The following PUS10 variants were observed in gnomAD, a reference collection of about 807,000 sequenced individuals.
The protein encoded by PUS10 is tRNA pseudouridine synthase Pus10.
A neutral mutation model predicts 75.0 loss-of-function variants in PUS10; 59 were observed. The ratio of observed to expected loss-of-function variants is 0.79; its 90% CI spans 0.64 to 0.98. The LOEUF is 0.98. Ranked by LOEUF, PUS10 falls within the 50% of genes least tolerant of loss-of-function variation. The pLI, the probability that PUS10 is intolerant of heterozygous loss-of-function variation, is 0.00. For missense variants in PUS10, 650 were observed against 614.4 expected (o/e 1.06, Z -0.61); for synonymous variants, 219 against 211.6 (o/e 1.03, Z -0.30).
rs781444581 is a variant in PUS10 at position 61,017,717 on chromosome 2, G to A, written c.-16+291C>T. The A allele has an allele frequency of 2.0e-6, 3 of 1,503,862 alleles. No homozygotes were observed. In the South Asian group the frequency reaches 3.6e-5, roughly 18 times the overall value. 93.2% of individuals were successfully genotyped at this position (1,503,862 alleles called of 1,614,324 possible). Reference sequence around the variant, plus strand: ...CCAGGTGCTGGTCTACGCGGGCCTGGACAGTCAGGGGTAGGAGCGGGAGCC... The same window carrying A: ...CCAGGTGCTGGTCTACGCGGGCCTGAACAGTCAGGGGTAGGAGCGGGAGCC... On this transcript the variant is annotated intron_variant, in intron 1 of 17. Transcript: ENST00000316752.
intron 15 of PUS10, among the ~76,000 whole-genome samples, chr2:60,951,580 C>G (rs1438192322): frequency 6.6e-6 from 1 of 152,132 alleles, no homozygotes; most frequent in Admixed American, 6.5e-5. Flanking sequence ...AGGGTTCGTG[C>G]TTTTATAAGA....
In PUS10 at chr2:60,967,496, C is replaced by T. The variant is rs1323435671; in HGVS notation, c.615+6G>A. On this transcript the variant is annotated splice_donor_region_variant and intron_variant, in intron 6 of 17. Transcript: ENST00000316752. ...AATAAAATTAACAATGCTGTTGACCCAATACCTTTCCATCAATGGGAACAC... is the reference window on the plus strand; with the variant it reads ...AATAAAATTAACAATGCTGTTGACCTAATACCTTTCCATCAATGGGAACAC... 1 of 1,521,884 alleles carries T rather than the reference C, an allele frequency of 6.6e-7. No individual in the cohort carries two copies. Among genetic ancestry groups the T allele is most frequent in the Non-Finnish European group, 9.1e-7 (1 of 1,102,476 alleles). The allele number at this position is 1,521,884 out of a possible 1,614,324, so 94.3% of individuals were successfully genotyped here.
chr2:60,951,042 C>A (rs1675304619), intron 15 of PUS10, among the ~76,000 whole-genome samples: 1 of 152,152 alleles, frequency 6.6e-6, no homozygotes, highest in Non-Finnish European at 1.5e-5. Flanking sequence ...TTACGTCAAC[C>A]TTTTCAAATG....
chr2:61,010,201 AAAAT>A (rs1559000109), intron 2 of PUS10: 1 of 152,464 alleles, frequency 6.6e-6, no homozygotes, highest in Non-Finnish European at 1.5e-5. Flanking sequence ...GTGTCTGAAA[AAAAT>A]GTGTAAGCAG....
rs1412200171 is a variant in PUS10 at position 61,011,018 on chromosome 2, AT to A, written c.126+746del. On this transcript the variant is annotated intron_variant, in intron 2 of 17. Coordinates refer to ENST00000316752, the MANE Select transcript of PUS10 (RefSeq NM_144709.4). Reference sequence around the variant, plus strand: ...ATTGCCAAAATAATAGAAACAACTAATAACATTTTAAAAATAACTGATACTA... The same window carrying A: ...ATTGCCAAAATAATAGAAACAACTAAAACATTTTAAAAATAACTGATACTA... 7.2e-6 allele frequency: 9 copies of A among 1,256,956 alleles called. No individual in the cohort carries two copies. The African/African-American group carries it at 1.4e-4, about 19-fold the overall frequency. The allele number at this position is 1,256,956 out of a possible 1,614,324, so 77.9% of individuals were successfully genotyped here. A position where few individuals can be genotyped will look rare whatever the true frequency, so the allele number is the denominator to read the frequency against.
chr2:60,953,756 A>T (rs1675483455), intron 14 of PUS10, among the ~76,000 whole-genome samples, 177 bp downstream of exon 14: 2 of 152,170 alleles, frequency 1.3e-5, no homozygotes, highest in African/African-American at 2.4e-5. Flanking sequence ...ATTTTTTCAT[A>T]TGTTAATTGG....
At chr2:60,965,572 G>A (rs1278803186) in intron 6 of PUS10, 88 bp from the exon 7 acceptor site, 1 of 957,560 alleles carries the variant, frequency 1.0e-6, no homozygotes, top group Non-Finnish European at 1.6e-6. Flanking sequence ...AATTCTCAAA[G>A]ATTGGCTCAG....
rs951307545 is a variant in PUS10 at position 60,947,847 on chromosome 2, A to G, written c.1451+196T>C. Among the ~76,000 whole-genome samples, 86 of 151,088 alleles carry G rather than the reference A, an allele frequency of 5.7e-4. 2 individuals are homozygous for G. The highest frequency in any genetic ancestry group is 7.3e-4 in the African/African-American group (30 of 41,294). ...CTGCCTCAAAAAAAAAAAAAAAAAA[A>G]AAAGAAAAGAAAAGAAAAAGAAAAT... On this transcript the variant is annotated intron_variant, in intron 16 of 17. Transcript: ENST00000316752.
intron 4 of PUS10, among the ~76,000 whole-genome samples, chr2:60,990,501 T>C (rs572643912): frequency 2.0e-5 from 3 of 152,278 alleles, no homozygotes; most frequent in South Asian, 4.1e-4. Context: ...CCATGAAGCA[T>C]GACACCCTAG....
At chr2:60,979,969 C>T (rs1035725557) in intron 4 of PUS10, among the ~76,000 whole-genome samples, 1 of 152,134 alleles carries the variant, frequency 6.6e-6, no homozygotes, top group Non-Finnish European at 1.5e-5. Flanking sequence ...ATTGCATCTT[C>T]CAACACTGTA....
chr2:61,013,129 T>G (rs538074142), intron 1 of PUS10, among the ~76,000 whole-genome samples: 98 of 151,950 alleles, frequency 6.4e-4, no homozygotes, highest in African/African-American at 2.2e-3. Flanking sequence ...GGTACACACC[T>G]GTATTCCCAG....
intron 5 of PUS10, among the ~76,000 whole-genome samples, chr2:60,969,551 TGTAGATACAAC>T (rs1396540448): frequency 3.9e-5 from 6 of 152,258 alleles, no homozygotes; most frequent in African/African-American, 7.2e-5. Context: ...TCACTTTTGC[TGTAGATACAAC>T]ACAACAACCA....
At chr2:60,953,143 T>C in intron 14 of PUS10, 29 bp from the exon 15 acceptor site, 1 of 1,258,494 alleles carries the variant, frequency 7.9e-7, no homozygotes, top group Non-Finnish European at 1.1e-6. Context: ...TAGAAGTTTG[T>C]CCAAATAAAC....
chr2:60,967,441 T>C lies in PUS10; in HGVS notation c.615+61A>G, dbSNP rs979250458. ...TTTTTGGCTAACCAAAACCCTGCCA[T>C]ATAATTAAGTAAAACTAGTAAAATC... is the stretch of plus-strand genomic sequence containing the variant. On this transcript the variant is annotated intron_variant, in intron 6 of 17. Coordinates refer to ENST00000316752, the MANE Select transcript of PUS10 (RefSeq NM_144709.4). The C allele has an allele frequency of 6.1e-5, 70 of 1,148,422 alleles. No homozygotes were observed. The African/African-American group carries it at 8.9e-4, about 15-fold the overall frequency. 71.1% of individuals were successfully genotyped at this position (1,148,422 alleles called of 1,614,324 possible).
At position 61,006,648 on chromosome 2, in the gene PUS10, A is replaced by G; in HGVS notation, c.382-5T>C. The G allele has an allele frequency of 6.2e-7, 1 of 1,607,284 alleles. No homozygotes were observed. ...GGCCTCAACCTTTTGGCACACCTGA[A>G]AAAGCATTACAATTATGTAAATTCC... is the stretch of plus-strand genomic sequence containing the variant. On this transcript the variant is annotated splice_polypyrimidine_tract_variant and splice_region_variant and intron_variant, in intron 3 of 17. Transcript: ENST00000316752.
At chr2:60,957,016 A>G (rs537771827) in intron 11 of PUS10, among the ~76,000 whole-genome samples, 57 of 151,494 alleles carry the variant, frequency 3.8e-4, no homozygotes, top group African/African-American at 1.3e-3. Context: ...AAAAAAAAAG[A>G]AAAATGTTTC....
chr2:60,957,337 G>A (rs1268205922), intron 11 of PUS10, among the ~76,000 whole-genome samples: 1 of 152,192 alleles, frequency 6.6e-6, no homozygotes, highest in Admixed American at 6.5e-5. Flanking sequence ...CTTGGACAAA[G>A]GATGCTGCAA....
intron 4 of PUS10, among the ~76,000 whole-genome samples, chr2:60,973,962 T>A (rs774230896): frequency 1.3e-5 from 2 of 151,892 alleles, no homozygotes; most frequent in African/African-American, 4.8e-5. Context: ...GAAGAAACGA[T>A]AGGACGACCT....
chr2:61,010,407 A>G (rs1294546254), intron 2 of PUS10: 3 of 181,434 alleles, frequency 1.7e-5, no homozygotes, highest in Non-Finnish European at 3.5e-5. Context: ...CAACCTCCGC[A>G]CCCCCCACCC....
Sources: gnomAD v4.1 joint callset for allele counts (sites outside exome capture counted in the v4.1 genomes callset) on GRCh38, gnomAD v4.1.1 for gene constraint, MANE v1.5 for transcripts, NCBI Gene and HGNC (gene_info 2026-07-23, HGNC 2026-07-21) for gene names.